The following RIMS1 variants were observed in gnomAD, a reference collection of about 807,000 sequenced individuals.
The protein encoded by RIMS1 is regulating synaptic membrane exocytosis 1.
Under a neutral mutation model 214.1 loss-of-function variants are expected in RIMS1, and 83 were observed. The observed-to-expected ratio is 0.39, with a 90% CI of 0.32 to 0.47. RIMS1 has a LOEUF of 0.47. Among genes scored for constraint, RIMS1 ranks in the 20% least tolerant of loss-of-function variants. The pLI, the probability that RIMS1 is intolerant of heterozygous loss-of-function variation, is 0.99. For missense variants in RIMS1, 2,050 were observed against 2,161.8 expected (o/e 0.95, Z 1.03); for synonymous variants, 793 against 786.8 (o/e 1.01, Z -0.13).
chr6:71,977,383 A>G (rs548177063), intron 2 of RIMS1, among the ~76,000 whole-genome samples: 13 of 152,280 alleles, frequency 8.5e-5, no homozygotes, highest in African/African-American at 3.1e-4. Context: ...GAATTGGCCT[A>G]TTTATTCTCT....
intron 2 of RIMS1, among the ~76,000 whole-genome samples, chr6:72,080,268 A>G (rs1833035876): frequency 6.6e-6 from 1 of 151,946 alleles, no homozygotes; most frequent in African/African-American, 2.4e-5. Context: ...CATCTCAAAA[A>G]TAAAATAAAA....
chr6:71,944,353 C>A (rs536194415), intron 1 of RIMS1, among the ~76,000 whole-genome samples: 2 of 152,138 alleles, frequency 1.3e-5, no homozygotes, highest in Admixed American at 1.3e-4. Context: ...AGAAGAGGCA[C>A]CCCTTTCTCT....
At chr6:71,904,659 A>G (rs1774726387) in intron 1 of RIMS1, among the ~76,000 whole-genome samples, 1 of 152,156 alleles carries the variant, frequency 6.6e-6, no homozygotes, top group African/African-American at 2.4e-5. Context: ...ATATTTCTTA[A>G]CTACCTAAAC....
At chr6:72,153,430 CTT>C (rs960744282) in intron 4 of RIMS1, among the ~76,000 whole-genome samples, 2 of 151,942 alleles carry the variant, frequency 1.3e-5, no homozygotes, top group Admixed American at 6.6e-5. Context: ...AATCCTAAGA[CTT>C]TTAAAAATCT....
chr6:72,170,838 C>T (rs2046928559), intron 4 of RIMS1, among the ~76,000 whole-genome samples: 1 of 151,800 alleles, frequency 6.6e-6, no homozygotes, highest in Non-Finnish European at 1.5e-5. Context: ...TATTTATTTA[C>T]CTTTAGTTTG....
chr6:72,134,396 G>A (rs1432572533), intron 4 of RIMS1, among the ~76,000 whole-genome samples: 2 of 151,764 alleles, frequency 1.3e-5, no homozygotes, highest in Non-Finnish European at 2.9e-5. Context: ...TACAACATTA[G>A]CTTGTGTAGA....
chr6:71,889,404 A>G (rs1055304290), intron 1 of RIMS1, among the ~76,000 whole-genome samples: 1 of 152,198 alleles, frequency 6.6e-6, no homozygotes, highest in African/African-American at 2.4e-5. Context: ...TTTTCCTGTG[A>G]CTGCTTTCTA....
At chr6:72,340,482 C>T (rs1285230340) in intron 29 of RIMS1, among the ~76,000 whole-genome samples, 1 of 152,080 alleles carries the variant, frequency 6.6e-6, no homozygotes, top group East Asian at 1.9e-4. Context: ...GGAAGGGATC[C>T]AGTTTCAGCT....
chr6:71,902,580 A>G (rs1443876577), intron 1 of RIMS1, among the ~76,000 whole-genome samples: 1 of 151,942 alleles, frequency 6.6e-6, no homozygotes, highest in African/African-American at 2.4e-5. Context: ...CAGGATGTGC[A>G]GATTTGTTGT....
Position 72,251,207 on chromosome 6 carries a change from C to A in RIMS1, c.2545-8C>A. Reference sequence around the variant, plus strand: ...GTACTTGATTTAATTTGAGAATTACCCTCTCAGATCCTCATAGAATTGGAG... The same window carrying A: ...GTACTTGATTTAATTTGAGAATTACACTCTCAGATCCTCATAGAATTGGAG... On this transcript the variant is annotated splice_polypyrimidine_tract_variant and splice_region_variant and intron_variant, in intron 14 of 33. Transcript: ENST00000521978. 1 of 1,589,476 alleles carries A rather than the reference C, an allele frequency of 6.3e-7. No homozygotes were observed. Among genetic ancestry groups the A allele is most frequent in the Non-Finnish European group, 8.6e-7 (1 of 1,166,506 alleles).
intron 8 of RIMS1, among the ~76,000 whole-genome samples, chr6:72,236,066 T>C (rs2063902680): frequency 6.6e-6 from 1 of 152,140 alleles, no homozygotes; most frequent in Non-Finnish European, 1.5e-5. Flanking sequence ...AAAATTAATG[T>C]ACTTAATAGT....
At chr6:71,912,572 A>T (rs944329415) in intron 1 of RIMS1, among the ~76,000 whole-genome samples, 1 of 152,104 alleles carries the variant, frequency 6.6e-6, no homozygotes, top group Non-Finnish European at 1.5e-5. Context: ...ATTCTTAAGG[A>T]TAGTTCCATA....
intron 23 of RIMS1, among the ~76,000 whole-genome samples, chr6:72,282,504 G>A (rs2090624143): frequency 6.6e-6 from 1 of 152,064 alleles, no homozygotes; most frequent in Non-Finnish European, 1.5e-5. Flanking sequence ...CTGATTTCAT[G>A]GTTTCATTTC....
chr6:72,009,892 A>G (rs1248667532), intron 2 of RIMS1, among the ~76,000 whole-genome samples: 3 of 152,230 alleles, frequency 2.0e-5, no homozygotes, highest in Non-Finnish European at 4.4e-5. Flanking sequence ...ATTCTACCAG[A>G]GGTACAAGGA....
At chr6:72,152,706 G>GTA (rs1344065553) in intron 4 of RIMS1, among the ~76,000 whole-genome samples, 2 of 96,108 alleles carry the variant, frequency 2.1e-5, no homozygotes, top group Non-Finnish European at 3.9e-5. Flanking sequence ...TGGAATATAT[G>GTA]TATATATATG....
At chr6:72,291,895 ATTTCATTG>A in intron 25 of RIMS1, 31 bp from the exon 26 acceptor site, 1 of 1,455,324 alleles carries the variant, frequency 6.9e-7, no homozygotes, top group Non-Finnish European at 9.4e-7. Context: ...CCACATTGGA[ATTTCATTG>A]TTTCATGCCC....
At chr6:72,362,751 T>A (rs2097865163) in intron 29 of RIMS1, among the ~76,000 whole-genome samples, 1 of 152,214 alleles carries the variant, frequency 6.6e-6, no homozygotes. Context: ...AACCATCTCT[T>A]CATCTTTATT....
chr6:72,367,294 G>A (rs1369325322), intron 29 of RIMS1, among the ~76,000 whole-genome samples: 2 of 152,008 alleles, frequency 1.3e-5, no homozygotes, highest in Non-Finnish European at 2.9e-5. Flanking sequence ...CAGCTATACT[G>A]TATACAATAT....
intron 4 of RIMS1, among the ~76,000 whole-genome samples, chr6:72,155,233 T>C (rs1588177836): frequency 7.1e-6 from 1 of 140,384 alleles, no homozygotes; most frequent in Admixed American, 7.3e-5. Context: ...CCTTTTTCTA[T>C]CACATTGTCA....
Sources: allele counts gnomAD v4.1 joint callset (sites outside exome capture counted in the v4.1 genomes callset), GRCh38; gene constraint gnomAD v4.1.1; transcripts MANE v1.5; gene names NCBI Gene and HGNC (gene_info 2026-07-23, HGNC 2026-07-21).